DIAPH3: variants seen among roughly 807,000 people sequenced by gnomAD.
The protein encoded by DIAPH3 is protein diaphanous homolog 3.
In DIAPH3, 117 loss-of-function variants were observed where a neutral mutation model predicts 144.3. The observed-to-expected ratio is 0.81, with a 90% CI of 0.70 to 0.95. DIAPH3 has a LOEUF of 0.95. DIAPH3 is among the 40% of genes least tolerant of loss of function. The pLI, the probability that DIAPH3 is intolerant of heterozygous loss-of-function variation, is 0.00. For synonymous variants in DIAPH3, 519 were observed against 488.9 expected, an observed-to-expected ratio of 1.06 and a Z score of -0.81; for missense variants, 1,421 against 1,412.7, an observed-to-expected ratio of 1.01 and a Z score of -0.09.
chr13:59,721,354 T>C lies in DIAPH3; in HGVS notation c.3319+52835A>G, dbSNP rs558173440. Among the ~76,000 whole-genome samples the C allele has an allele frequency of 3.9e-5, 6 of 152,310 alleles. No homozygotes were observed. The East Asian group carries it at 9.6e-4, about 24-fold the overall frequency. ...GTCGGTTTCATTTTTCATGTCTTGGTAATAAATGTTATTTTGATAAATAAA... is the reference window on the plus strand; with the variant it reads ...GTCGGTTTCATTTTTCATGTCTTGGCAATAAATGTTATTTTGATAAATAAA... On this transcript the variant is annotated intron_variant, in intron 27 of 27. Transcript: ENST00000400324.
At chr13:59,706,585 T>A (rs1252190876) in intron 27 of DIAPH3, among the ~76,000 whole-genome samples, 1 of 152,218 alleles carries the variant, frequency 6.6e-6, no homozygotes, top group Non-Finnish European at 1.5e-5. Flanking sequence ...TTGTAAATGT[T>A]CTGACATTTT....
chr13:59,741,789 A>C (rs1436873830), intron 27 of DIAPH3, among the ~76,000 whole-genome samples: 4 of 131,656 alleles, frequency 3.0e-5, no homozygotes, highest in Non-Finnish European at 6.5e-5. Flanking sequence ...ATAATTCTAA[A>C]CAACTGTATC....
chr13:59,817,729 T>C (rs985707784), intron 24 of DIAPH3, among the ~76,000 whole-genome samples: 2 of 151,980 alleles, frequency 1.3e-5, no homozygotes, highest in Non-Finnish European at 2.9e-5. Flanking sequence ...CTTCTTAGTC[T>C]ATTTCTCTCA....
intron 27 of DIAPH3, among the ~76,000 whole-genome samples, chr13:59,714,322 T>C (rs371232588): frequency 1.7e-4 from 23 of 135,160 alleles, no homozygotes; most frequent in East Asian, 1.3e-3. Flanking sequence ...ATCCCGCCAC[T>C]GCACTCCAGC....
chr13:59,804,734 C>A (rs530626238), intron 25 of DIAPH3, among the ~76,000 whole-genome samples: 1 of 152,122 alleles, frequency 6.6e-6, no homozygotes, highest in Non-Finnish European at 1.5e-5. Flanking sequence ...TTATATGCAC[C>A]AATTGCCAAT....
intron 5 of DIAPH3, among the ~76,000 whole-genome samples, chr13:60,019,427 A>AAC (rs1407194253): frequency 6.6e-6 from 1 of 152,138 alleles, no homozygotes; most frequent in Non-Finnish European, 1.5e-5. Context: ...ACTGCTTTAA[A>AAC]ACAGCAACCG....
intron 25 of DIAPH3, among the ~76,000 whole-genome samples, chr13:59,789,861 C>T (rs1309048453): frequency 2.0e-5 from 3 of 152,050 alleles, no homozygotes; most frequent in African/African-American, 7.2e-5. Context: ...AGGTGTCAAG[C>T]CTGGGTGACT....
intron 13 of DIAPH3, among the ~76,000 whole-genome samples, chr13:59,982,352 A>G (rs1251693392): frequency 6.6e-6 from 1 of 151,406 alleles, no homozygotes; most frequent in East Asian, 1.9e-4. Flanking sequence ...ATTCAAAATC[A>G]TTCCACATTT....
intron 22 of DIAPH3, among the ~76,000 whole-genome samples, chr13:59,857,427 C>T (rs1406151253): frequency 6.6e-6 from 1 of 152,008 alleles, no homozygotes; most frequent in Non-Finnish European, 1.5e-5. Flanking sequence ...AACATATAAA[C>T]AGAGTCTTAG....
intron 9 of DIAPH3, among the ~76,000 whole-genome samples, chr13:60,003,530 G>T (rs1421867508): frequency 3.4e-5 from 5 of 149,216 alleles, no homozygotes; most frequent in African/African-American, 7.4e-5. Flanking sequence ...TATATATATA[G>T]ATATATCTAT....
chr13:60,105,099 CAAAAAAAAAAAAAAAA>C (rs60853102), intron 3 of DIAPH3, among the ~76,000 whole-genome samples: 1 of 41,840 alleles, frequency 2.4e-5, no homozygotes, highest in Non-Finnish European at 4.4e-5. Flanking sequence ...GACACGATCT[CAAAAAAAAAAAAAAAA>C]AAAAAAAAAA....
In DIAPH3 at chr13:59,727,320, G is replaced by A. The variant is rs530060235; in HGVS notation, c.3319+46869C>T. Among the ~76,000 whole-genome samples the A allele has an allele frequency of 1.1e-4, 16 of 152,230 alleles. No individual in the cohort carries two copies. The East Asian group carries it at 3.1e-3, about 29-fold the overall frequency. On this transcript the variant is annotated intron_variant, in intron 27 of 27. Transcript: ENST00000400324. ...AAAAAAAACAATTGTTTGTTATTCA[G>A]GGAAGAAGACTTAGAACTTCTCTGG... is the stretch of plus-strand genomic sequence containing the variant.
chr13:59,723,151 G>A (rs1462597605), intron 27 of DIAPH3, among the ~76,000 whole-genome samples: 2 of 152,186 alleles, frequency 1.3e-5, no homozygotes, highest in Non-Finnish European at 2.9e-5. Flanking sequence ...TGGTGACACT[G>A]AGATATATTC....
chr13:59,770,477 G>C (rs549419669), intron 27 of DIAPH3, among the ~76,000 whole-genome samples: 1 of 151,994 alleles, frequency 6.6e-6, no homozygotes, highest in African/African-American at 2.4e-5. Context: ...ACATCTTCAG[G>C]GCAGTGTGTA....
At chr13:59,903,857 G>T (rs2140191981) in intron 20 of DIAPH3, among the ~76,000 whole-genome samples, 1 of 152,160 alleles carries the variant, frequency 6.6e-6, no homozygotes, top group African/African-American at 2.4e-5. Context: ...TATATGTTAT[G>T]TGGCACTATG....
chr13:59,666,461 TA>T lies in DIAPH3; in HGVS notation c.*122del. ...AATCATATATTTAGCTTTATTTTTCTAATATATATCATAATTTAAAACTATA... is the reference window on the plus strand; with the variant it reads ...AATCATATATTTAGCTTTATTTTTCTATATATATCATAATTTAAAACTATA... On this transcript the variant is annotated 3_prime_UTR_variant, in exon 28 of 28. Transcript: ENST00000400324. 8.7e-7 allele frequency: 1 copy of T among 1,147,916 alleles called. No individual in the cohort carries two copies. The highest frequency in any genetic ancestry group is 1.2e-6 in the Non-Finnish European group (1 of 824,798). The allele number at this position is 1,147,916 out of a possible 1,614,324, so 71.1% of individuals were successfully genotyped here.
chr13:60,046,198 T>C (rs2056055694), intron 4 of DIAPH3, among the ~76,000 whole-genome samples: 1 of 152,204 alleles, frequency 6.6e-6, no homozygotes, highest in South Asian at 2.1e-4. Context: ...TCCTTACAGC[T>C]ACATCCCTAA....
chr13:59,988,666 T>C (rs1208826550), intron 12 of DIAPH3, among the ~76,000 whole-genome samples: 2 of 151,878 alleles, frequency 1.3e-5, no homozygotes, highest in African/African-American at 4.8e-5. Flanking sequence ...ATAACTTAAT[T>C]AAGGGATGAA....
At chr13:60,088,272 C>T (rs1276330427) in intron 4 of DIAPH3, among the ~76,000 whole-genome samples, 1 of 152,120 alleles carries the variant, frequency 6.6e-6, no homozygotes, top group Non-Finnish European at 1.5e-5. Flanking sequence ...CACTACATAA[C>T]ATAAACCAAA....
Sources: allele counts gnomAD v4.1 joint callset (sites outside exome capture counted in the v4.1 genomes callset), GRCh38; gene constraint gnomAD v4.1.1; transcripts MANE v1.5; gene names NCBI Gene and HGNC (gene_info 2026-07-23, HGNC 2026-07-21).